TENM2: variants seen among roughly 807,000 people sequenced by gnomAD.
TENM2 encodes the protein teneurin transmembrane protein 2, also known as teneurin-2.
Under a neutral mutation model 245.2 loss-of-function variants are expected in TENM2, and 52 were observed. That is an observed-to-expected ratio of 0.21 (90% CI 0.17 to 0.27). The LOEUF (loss-of-function observed/expected upper bound fraction) is 0.27. Ranked by LOEUF, TENM2 falls within the 10% of genes least tolerant of loss-of-function variation. TENM2 has a pLI of 1.00. For missense variants in TENM2, 3,046 were observed against 3,666.8 expected (o/e 0.83, Z 4.37); for synonymous variants, 1,363 against 1,438.9 (o/e 0.95, Z 1.19).
chr5:167,513,061 T>C (rs1770076085), intron 2 of TENM2, among the ~76,000 whole-genome samples: 2 of 152,306 alleles, frequency 1.3e-5, no homozygotes, highest in South Asian at 4.1e-4. Context: ...AACACAAAGG[T>C]TTCCCCAAAG....
chr5:168,036,929 T>C (rs2151985853), intron 5 of TENM2, among the ~76,000 whole-genome samples: 2 of 152,022 alleles, frequency 1.3e-5, no homozygotes, highest in Middle Eastern at 3.4e-3. Context: ...ATTAGCTCTT[T>C]CCTCATAAGA....
At chr5:167,219,257 G>A in the TENM2 span, among the ~76,000 whole-genome samples, 3 of 152,074 alleles carry the variant, frequency 2.0e-5, no homozygotes, top group Admixed American at 6.6e-5. Flanking sequence ...CTATGATGGC[G>A]CCATTGTGCT....
At chr5:167,670,604 T>C (rs1755871208) in intron 2 of TENM2, among the ~76,000 whole-genome samples, 1 of 152,158 alleles carries the variant, frequency 6.6e-6, no homozygotes. Context: ...AGAGTGTTCT[T>C]CAGACAGGAT....
chr5:167,747,417 G>A (rs536077619), intron 2 of TENM2, among the ~76,000 whole-genome samples: 39 of 152,230 alleles, frequency 2.6e-4, no homozygotes, highest in African/African-American at 8.7e-4. Flanking sequence ...CCCTGCCCAA[G>A]TTTGTGATAA....
At chr5:167,584,835 C>G (rs920099971) in intron 2 of TENM2, among the ~76,000 whole-genome samples, 1 of 151,998 alleles carries the variant, frequency 6.6e-6, no homozygotes, top group Non-Finnish European at 1.5e-5. Context: ...GCTGGGACTA[C>G]AGGCGCCCGC....
chr5:167,486,845 T>G (rs193234182), intron 2 of TENM2, among the ~76,000 whole-genome samples: 168 of 152,272 alleles, frequency 1.1e-3, no homozygotes, highest in Middle Eastern at 3.4e-3. Context: ...AAGGACCAAA[T>G]CTGTGTTCCA....
chr5:167,713,635 C>A (rs556545809), intron 2 of TENM2, among the ~76,000 whole-genome samples: 2 of 151,840 alleles, frequency 1.3e-5, no homozygotes, highest in South Asian at 2.1e-4. Flanking sequence ...CACATACATG[C>A]GCACATGCAA....
chr5:167,290,157 C>CT, intron 1 of TENM2, among the ~76,000 whole-genome samples: 1 of 152,044 alleles, frequency 6.6e-6, no homozygotes, highest in Non-Finnish European at 1.5e-5. Context: ...TCAATGTTAT[C>CT]TTTTTGCTGG....
chr5:167,240,023 C>T, the TENM2 span, among the ~76,000 whole-genome samples: 1 of 152,252 alleles, frequency 6.6e-6, no homozygotes, highest in Non-Finnish European at 1.5e-5. Flanking sequence ...ATCTGCCTGC[C>T]TCGGCCTCCC....
the TENM2 span, among the ~76,000 whole-genome samples, chr5:167,223,661 G>C: frequency 6.1e-4 from 93 of 152,064 alleles, no homozygotes; most frequent in Middle Eastern, 0.01. Context: ...AAACATGCTG[G>C]CGTCCTTTTG....
At position 168,126,795 on chromosome 5, in the gene TENM2, G is replaced by A. The variant is rs776923958; in HGVS notation, c.2251G>A (p.Gly751Arg). 29 of 1,612,966 alleles carry A rather than the reference G, an allele frequency of 1.8e-5. No individual in the cohort carries two copies. The highest frequency in any genetic ancestry group is 3.3e-5 in the Admixed American group (2 of 59,920). The change falls in exon 12 of 29, where the codon GGG (glycine) becomes AGG (arginine). Residue 751 changes from glycine (G) to arginine (R), a missense_variant. Gly to Arg is a moderately radical substitution (Grantham distance 125). Transcript: ENST00000518659. ...CTGTGGCACTCACGGCGTCTGCATC[G>A]GGGGAGCCTGCCGCTGTGAAGAGGG...
chr5:167,217,309 A>T, the TENM2 span, among the ~76,000 whole-genome samples: 1 of 152,154 alleles, frequency 6.6e-6, no homozygotes, highest in Admixed American at 6.5e-5. Flanking sequence ...AGCATCAACC[A>T]CACAGACTTT....
At chr5:167,162,351 G>T in the TENM2 span, among the ~76,000 whole-genome samples, 5 of 152,008 alleles carry the variant, frequency 3.3e-5, no homozygotes, top group East Asian at 1.9e-4. Context: ...ATAAAAGCCG[G>T]GCATGGTGGC....
intron 25 of TENM2, among the ~76,000 whole-genome samples, chr5:168,237,873 T>A (rs1765646221): frequency 6.6e-6 from 1 of 151,876 alleles, no homozygotes; most frequent in South Asian, 2.1e-4. Context: ...CCGGGCGCGG[T>A]GGCTCATGCC....
chr5:167,982,311 A>G (rs949909772), intron 4 of TENM2, among the ~76,000 whole-genome samples: 7 of 152,142 alleles, frequency 4.6e-5, no homozygotes, highest in East Asian at 1.9e-4. Context: ...TGTCTCTCCA[A>G]TTGGAAATTT....
intron 25 of TENM2, among the ~76,000 whole-genome samples, chr5:168,243,158 G>A (rs569425083): frequency 2.2e-4 from 33 of 152,180 alleles, no homozygotes; most frequent in African/African-American, 7.5e-4. Flanking sequence ...GAAGTTGTGA[G>A]AGCCTGGGCT....
chr5:168,054,693 C>T (rs910364402), intron 6 of TENM2, among the ~76,000 whole-genome samples: 1 of 152,162 alleles, frequency 6.6e-6, no homozygotes, highest in Admixed American at 6.5e-5. Flanking sequence ...CCTAATGTAG[C>T]TATGGAAGGC....
At chr5:167,661,656 T>C (rs1023993705) in intron 2 of TENM2, among the ~76,000 whole-genome samples, 3 of 152,134 alleles carry the variant, frequency 2.0e-5, no homozygotes, top group African/African-American at 7.2e-5. Context: ...ACAACAGAAA[T>C]AAGAATTAAT....
In TENM2 at chr5:168,218,913, C is replaced by T; in HGVS notation, c.5022C>T (p.Asn1674=). 6.2e-7 allele frequency: 1 copy of T among 1,613,994 alleles called. No individual in the cohort carries two copies. Among genetic ancestry groups the T allele is most frequent in the South Asian group, 1.1e-5 (1 of 91,078 alleles). Reference sequence around the variant, plus strand: ...GCCTCAAAGTCGTGTCCACACAGAACCTGGAGCTTGGTCTCATGACCTATG... The same window carrying T: ...GCCTCAAAGTCGTGTCCACACAGAATCTGGAGCTTGGTCTCATGACCTATG... Residue 1674 remains asparagine, a synonymous_variant, in exon 23 of 29, where the codon AAC becomes AAT. Coordinates refer to ENST00000518659, the Ensembl canonical transcript of TENM2. This position sits in a 1 kb window ranked among gnomAD's most constrained non-coding sequence, Gnocchi z 5.2.
Sources: gnomAD v4.1 joint callset for allele counts (sites outside exome capture counted in the v4.1 genomes callset) on GRCh38, gnomAD v4.1.1 for gene constraint, Gnocchi (gnomAD v3.1) non-coding constraint, MANE v1.5 for transcripts, NCBI Gene and HGNC (gene_info 2026-07-23, HGNC 2026-07-21) for gene names.